The following OTOG variants were observed in gnomAD, a reference collection of about 807,000 sequenced individuals.
The protein encoded by OTOG is otogelin.
OTOG carries 296 observed loss-of-function variants against 313.8 expected under a neutral mutation model. That is an observed-to-expected ratio of 0.94 (90% CI 0.86 to 1.04). The LOEUF is 1.04. OTOG is among the 50% of genes least tolerant of loss of function. OTOG has a pLI of 0.00. For synonymous variants in OTOG, 1,533 were observed against 1,554.9 expected (o/e 0.99, Z 0.33); for missense variants, 3,948 against 3,840.1 (o/e 1.03, Z -0.74).
chr11:17,608,955 C>G (rs1853457083), intron 34 of OTOG, among the ~76,000 whole-genome samples, 175 bp from the exon 35 acceptor site: 2 of 152,044 alleles, frequency 1.3e-5, no homozygotes, highest in South Asian at 4.2e-4. Flanking sequence ...TGTGTGTGCT[C>G]CTGTACATGT....
chr11:17,597,027 A>AC lies in OTOG; in HGVS notation c.3682+22dup, dbSNP rs1565109921. 1 of 1,548,492 alleles carries AC rather than the reference A, an allele frequency of 6.5e-7. No individual in the cohort carries two copies. The highest frequency in any genetic ancestry group is 2.4e-5 in the East Asian group (1 of 40,920). ...TCTGCCGTGAGTGTCCCAGACAATC[A>AC]CCTGAGGGGACAGAGTAGAGTGTCA... is the stretch of plus-strand genomic sequence containing the variant. On this transcript the variant is annotated intron_variant, in intron 30 of 55. Coordinates refer to ENST00000399397, the MANE Select transcript of OTOG (RefSeq NM_001292063.2).
chr11:17,574,869 C>A lies in OTOG; in HGVS notation c.2443C>A (p.Pro815Thr), dbSNP rs1316105476. The change falls in exon 20 of 56, where the codon CCG becomes ACG. Residue 815 changes from proline (P) to threonine (T), a missense_variant. Transcript: ENST00000399397. ...GTGTGTGGAGGGCTGTGCCTGCCCA[C>A]CGGACACCTATCTGGACACCCAGGC... Reference protein sequence around the residue: ...DECVEGCACPPDTYLDTQADL... With the variant: ...DECVEGCACPTDTYLDTQADL... 1.3e-6 allele frequency: 2 copies of A among 1,542,188 alleles called. No individual in the cohort carries two copies. The highest frequency in any genetic ancestry group is 1.8e-6 in the Non-Finnish European group (2 of 1,142,366).
chr11:17,602,372 C>A lies in OTOG; in HGVS notation c.3872C>A (p.Ala1291Asp). 1 of 1,549,792 alleles carries A rather than the reference C, an allele frequency of 6.5e-7. No homozygotes were observed. The highest frequency in any genetic ancestry group is 8.7e-7 in the Non-Finnish European group (1 of 1,146,550). The stretch of plus-strand genomic sequence containing the variant: ...ACAGCTGCTCTGTACAAGGCCAAGG[C>A]CCATGGTAAGGCCCATCCCAGTCCC... ...LLTAALYKAK[A>D]HDPDVVSLEA... The change falls in exon 32 of 56, where the codon GCC becomes GAC. Residue 1291 changes from alanine to aspartate, a missense_variant. Coordinates refer to ENST00000399397, the MANE Select transcript of OTOG (RefSeq NM_001292063.2).
intron 50 of OTOG, 45 bp downstream of exon 50, chr11:17,640,865 G>A: frequency 6.5e-7 from 1 of 1,549,738 alleles, no homozygotes; most frequent in Non-Finnish European, 8.7e-7. Context: ...GGAGGGGCAT[G>A]GGTGCCTGGG....
Position 17,552,065 on chromosome 11 carries a change from T to A in OTOG, c.282T>A (p.Cys94Ter). The change falls in exon 4 of 56, where the codon TGT (cysteine) becomes TGA (stop). Residue 94 changes from cysteine (C) to a stop codon, truncating the protein, a stop_gained. Transcript: ENST00000399397. LOFTEE classifies it high-confidence loss of function. Reference sequence around the variant, plus strand: ...AAAGGCGGCTCCATCGGGCCAAGTGTGCACCATCCTGTAAGTGGCACCTTC... The same window carrying A: ...AAAGGCGGCTCCATCGGGCCAAGTGAGCACCATCCTGTAAGTGGCACCTTC... ...SWERRLHRAK[C>*]APSYLFSCFN... The A allele has an allele frequency of 6.4e-7, 1 of 1,550,470 alleles. No individual in the cohort carries two copies. The highest frequency in any genetic ancestry group is 2.4e-5 in the East Asian group (1 of 40,914).
intron 42 of OTOG, among the ~76,000 whole-genome samples, chr11:17,632,650 C>T (rs1375850283): frequency 1.3e-5 from 2 of 152,128 alleles, no homozygotes; most frequent in Non-Finnish European, 2.9e-5. Flanking sequence ...CCCTCTGCTT[C>T]CTTTTTGCTC....
rs1357371972 is a variant in OTOG at position 17,596,908 on chromosome 11, G to T, written c.3583G>T (p.Gly1195Cys). 6.4e-7 allele frequency: 1 copy of T among 1,550,966 alleles called. No individual in the cohort carries two copies. Among genetic ancestry groups the T allele is most frequent in the African/African-American group, 1.4e-5 (1 of 73,172 alleles). ...CLTDTCGCSQ[G>C]GDCECFCASV... ...GACAGACACATGTGGCTGCAGCCAG[G>T]GTGGTGACTGTGAGTGCTTCTGTGC... The change falls in exon 30 of 56, where the codon GGT becomes TGT. Residue 1195 changes from glycine to cysteine, a missense_variant. Physicochemically the swap from Gly to Cys is radical, Grantham distance 159. Transcript: ENST00000399397.
At chr11:17,559,937 G>A (rs1195776092) in intron 12 of OTOG, among the ~76,000 whole-genome samples, 5 of 150,860 alleles carry the variant, frequency 3.3e-5, no homozygotes, top group African/African-American at 1.2e-4. Flanking sequence ...AGGGAAGGAA[G>A]GAAGGAAGGA....
At chr11:17,643,251 C>T (rs1401372400) in intron 53 of OTOG, among the ~76,000 whole-genome samples, 6 of 152,232 alleles carry the variant, frequency 3.9e-5, no homozygotes, top group African/African-American at 1.2e-4. Flanking sequence ...GACCCAGGCT[C>T]CTGCCGCAAG....
intron 3 of OTOG, among the ~76,000 whole-genome samples, chr11:17,549,310 G>C (rs7482959): frequency 0.5 from 75,265 of 152,026 alleles, 18,892 homozygotes; most frequent in Middle Eastern, 0.59. Flanking sequence ...TGAGCCAGCA[G>C]ATTGGGGAGA....
At chr11:17,559,289 C>A in intron 11 of OTOG, 128 bp downstream of exon 11, 1 of 964,664 alleles carries the variant, frequency 1.0e-6, no homozygotes, top group Non-Finnish European at 1.5e-6. Flanking sequence ...GGTTTTATCG[C>A]CATGAGAAAG....
chr11:17,576,492 C>G (rs1852529326), intron 20 of OTOG, 64 bp from the exon 21 acceptor site: 1 of 1,376,574 alleles, frequency 7.3e-7, no homozygotes, highest in Admixed American at 2.0e-5. Flanking sequence ...GGGTCCCTGT[C>G]CTTGGCAGTC....
At chr11:17,641,978 A>G in intron 52 of OTOG, 27 bp downstream of exon 52, 12 of 1,545,824 alleles carry the variant, frequency 7.8e-6, no homozygotes, top group Non-Finnish European at 9.6e-6. Context: ...CTGCCCACTT[A>G]GGAGGGTGTC....
At chr11:17,590,038 C>T (rs548597958) in intron 24 of OTOG, among the ~76,000 whole-genome samples, 1 of 152,110 alleles carries the variant, frequency 6.6e-6, no homozygotes, top group Non-Finnish European at 1.5e-5. Context: ...ATTGGAGCAA[C>T]CCAAGAGACC....
At chr11:17,558,421 C>T (rs911062660) in intron 9 of OTOG, 106 bp downstream of exon 9, 8 of 1,517,460 alleles carry the variant, frequency 5.3e-6, no homozygotes, top group Non-Finnish European at 7.1e-6. Context: ...GCCCTTGACC[C>T]CATCCCTCTC....
rs1224143982 is a variant in OTOG at position 17,559,098 on chromosome 11, G to T, written c.1150G>T (p.Ala384Ser). Residue 384 changes from alanine (A) to serine (S), a missense_variant, in exon 11 of 56, where the codon GCC becomes TCC. Physicochemically the swap from Ala to Ser is moderately conservative, Grantham distance 99. Transcript: ENST00000399397. The part of the protein sequence containing the change: ...ATWCRALAEY[A>S]RACAQAGRPL... ...CTGGTGCCGGGCACTGGCGGAGTAT[G>T]CCCGGGCGTGTGCCCAGGCAGGGCG... is the stretch of plus-strand genomic sequence containing the variant. 2 of 1,546,042 alleles carry T rather than the reference G, an allele frequency of 1.3e-6. No individual in the cohort carries two copies. Among genetic ancestry groups the T allele is most frequent in the Admixed American group, 2.0e-5 (1 of 50,994 alleles).
intron 39 of OTOG, among the ~76,000 whole-genome samples, chr11:17,614,534 C>T (rs1229450766): frequency 6.6e-6 from 1 of 152,190 alleles, no homozygotes; most frequent in African/African-American, 2.4e-5. Context: ...TAACTACCAC[C>T]TCCAACCAGG....
rs1852539013 is a variant in OTOG at position 17,576,810 on chromosome 11, G to T, written c.2562-58G>T. On this transcript the variant is annotated intron_variant, in intron 21 of 55. Transcript: ENST00000399397. ...AGTGACCCGAGTGCAGCAACATGGGGTGTCTGGGTCCTGCAGTGACTGGGT... is the reference window on the plus strand; with the variant it reads ...AGTGACCCGAGTGCAGCAACATGGGTTGTCTGGGTCCTGCAGTGACTGGGT... 6 of 1,539,892 alleles carry T rather than the reference G, an allele frequency of 3.9e-6. No individual in the cohort carries two copies. The Admixed American group carries it at 7.9e-5, about 20-fold the overall frequency.
In OTOG at chr11:17,645,807, A is replaced by T. The variant is rs1212557678; in HGVS notation, c.8605A>T (p.Thr2869Ser). ...SASIYNYNINTYARFCKCCRE... is the reference protein window; with the variant it reads ...SASIYNYNINSYARFCKCCRE... ...CAGCATCTACAACTACAACATCAACACCTATGCCCGATTCTGCAAGTGCTG... is the reference window on the plus strand; with the variant it reads ...CAGCATCTACAACTACAACATCAACTCCTATGCCCGATTCTGCAAGTGCTG... Residue 2869 changes from threonine to serine, a missense_variant, in exon 56 of 56, where the codon ACC (threonine) becomes TCC (serine). Physicochemically the swap from Thr to Ser is moderately conservative, Grantham distance 58. Transcript: ENST00000399397. 1 of 1,550,676 alleles carries T rather than the reference A, an allele frequency of 6.4e-7. No individual in the cohort carries two copies. The highest frequency in any genetic ancestry group is 8.7e-7 in the Non-Finnish European group (1 of 1,147,042).
Sources: allele counts gnomAD v4.1 joint callset (sites outside exome capture counted in the v4.1 genomes callset), GRCh38; gene constraint gnomAD v4.1.1; transcripts MANE v1.5; gene names NCBI Gene and HGNC (gene_info 2026-07-23, HGNC 2026-07-21).